The following GCNT3 variants were observed in gnomAD, a reference collection of about 807,000 sequenced individuals.
GCNT3 encodes the protein beta-1,3-galactosyl-O-glycosyl-glycoprotein beta-1,6-N-acetylglucosaminyltransferase 3.
For missense variants in GCNT3, 708 were observed against 530.3 expected (o/e 1.34, Z -3.29); for synonymous variants, 269 against 195.2 (o/e 1.38, Z -3.15).
Position 59,619,371 on chromosome 15 carries a change from C to T in GCNT3, c.1133C>T (p.Pro378Leu), listed in dbSNP as rs777217395. The T allele has an allele frequency of 1.2e-6, 2 of 1,614,118 alleles. No homozygotes were observed. The highest frequency in any genetic ancestry group is 1.1e-5 in the South Asian group (1 of 91,076). ...GHEGDIDKGA[P>L]YAPCSGIHQR... ...GAGGGAGACATCGATAAGGGTGCTC[C>T]TTATGCTCCCTGCTCTGGAATCCAC... Residue 378 changes from proline (P) to leucine (L), a missense_variant, in exon 3 of 3, where the codon CCT becomes CTT. Physicochemically the swap from Pro to Leu is moderately conservative, Grantham distance 98. Coordinates refer to ENST00000396065, the MANE Select transcript of GCNT3 (RefSeq NM_004751.3).
Position 59,618,207 on chromosome 15 carries a change from C to G in GCNT3, c.-32C>G. 2.4e-6 allele frequency: 3 copies of G among 1,253,032 alleles called. No homozygotes were observed. The highest frequency in any genetic ancestry group is 3.4e-6 in the Non-Finnish European group (3 of 889,070). 77.6% of individuals were successfully genotyped at this position (1,253,032 alleles called of 1,614,324 possible). On this transcript the variant is annotated 5_prime_UTR_variant, in exon 3 of 3. Transcript: ENST00000396065. ...TGTGTCCTCCTCCACCTTCCCTGTG[C>G]TCGGTCTCCACCTGTCTCCCATTCT...
At chr15:59,612,801 G>A (rs1478467699) in intron 1 of GCNT3, among the ~76,000 whole-genome samples, 1 of 152,080 alleles carries the variant, frequency 6.6e-6, no homozygotes, top group Non-Finnish European at 1.5e-5. Context: ...CCCCTCTCCT[G>A]TACCTCCCTG....
In GCNT3 at chr15:59,618,682, G is replaced by T; in HGVS notation, c.444G>T (p.Arg148Ser). 1 of 1,614,158 alleles carries T rather than the reference G, an allele frequency of 6.2e-7. No individual in the cohort carries two copies. Among genetic ancestry groups the T allele is most frequent in the East Asian group, 2.2e-5 (1 of 44,890 alleles). ...ATGAGAAGATTGAAAACTTTGAAAG[G>T]CTACTGCGAGCTGTGTATGCCCCTC... The part of the protein sequence containing the change: ...VIHEKIENFE[R>S]LLRAVYAPQN... The change falls in exon 3 of 3, where the codon AGG (arginine) becomes AGT (serine). Residue 148 changes from arginine (R) to serine (S), a missense_variant. Transcript: ENST00000396065.
chr15:59,622,480 G>A lies in GCNT3; in HGVS notation c.*2925G>A, dbSNP rs1890954663. ...TGTATACACAGTGGGTGTGCCCTGAGAGGTCTGTTGCCAGCAGTGGTGATC... is the reference window on the plus strand; with the variant it reads ...TGTATACACAGTGGGTGTGCCCTGAAAGGTCTGTTGCCAGCAGTGGTGATC... On this transcript the variant is annotated 3_prime_UTR_variant, in exon 3 of 3. Coordinates refer to ENST00000396065, the MANE Select transcript of GCNT3 (RefSeq NM_004751.3). 1.3e-5 allele frequency: 2 copies of A among 152,136 alleles called. No individual in the cohort carries two copies. Among genetic ancestry groups the A allele is most frequent in the African/African-American group, 2.4e-5 (1 of 41,406 alleles). 9.4% of individuals were successfully genotyped at this position (152,136 alleles called of 1,614,324 possible). A position where few individuals can be genotyped will look rare whatever the true frequency, so the allele number is the denominator to read the frequency against.
chr15:59,613,581 A>AAATAAAT (rs2082706380), intron 1 of GCNT3, among the ~76,000 whole-genome samples: 1 of 150,254 alleles, frequency 6.7e-6, no homozygotes, highest in African/African-American at 2.5e-5. Context: ...AATAAATAAA[A>AAATAAAT]ATAAAAATAA....
rs764659801 is a variant in GCNT3 at position 59,621,926 on chromosome 15, C to A, written c.*2371C>A. 1.3e-5 allele frequency: 2 copies of A among 151,748 alleles called. No individual in the cohort carries two copies. The highest frequency in any genetic ancestry group is 1.3e-4 in the Admixed American group (2 of 15,234). The allele number at this position is 151,748 out of a possible 1,614,324, so 9.4% of individuals were successfully genotyped here. On this transcript the variant is annotated 3_prime_UTR_variant, in exon 3 of 3. Coordinates refer to ENST00000396065, the MANE Select transcript of GCNT3 (RefSeq NM_004751.3). ...TTCTGAGTGTTGTCATTCAATTCAT[C>A]AAGTTTTCTGTCATGATCAACTTTC...
intron 1 of GCNT3, among the ~76,000 whole-genome samples, chr15:59,615,722 T>TAA (rs775105632): frequency 7.8e-5 from 11 of 141,188 alleles, no homozygotes; most frequent in African/African-American, 2.3e-4. Context: ...ATCTCTACTT[T>TAA]AAAAAAAAAA....
At chr15:59,615,460 G>A in intron 1 of GCNT3, among the ~76,000 whole-genome samples, 1 of 152,130 alleles carries the variant, frequency 6.6e-6, no homozygotes, top group South Asian at 2.1e-4. Context: ...ATAATTTTCA[G>A]TTCCTCCCTT....
Position 59,619,102 on chromosome 15 carries a change from T to A in GCNT3, c.864T>A (p.Tyr288Ter), listed in dbSNP as rs1189045250. 6.2e-7 allele frequency: 1 copy of A among 1,614,178 alleles called. No homozygotes were observed. Among genetic ancestry groups the A allele is most frequent in the Non-Finnish European group, 8.5e-7 (1 of 1,180,006 alleles). ...ACAAGAAGAAGGATCCTCCCCCTTATAATTTAACTATGTTTACAGGGAATG... is the reference window on the plus strand; with the variant it reads ...ACAAGAAGAAGGATCCTCCCCCTTAAAATTTAACTATGTTTACAGGGAATG... ...LTNKKKDPPP[Y>*]NLTMFTGNAY... The change falls in exon 3 of 3, where the codon TAT becomes TAA. Residue 288 changes from tyrosine to a stop codon, truncating the protein, a stop_gained. Transcript: ENST00000396065. LOFTEE classifies it low-confidence loss of function (END_TRUNC).
In GCNT3 at chr15:59,621,255, A is replaced by C. The variant is rs1245568025; in HGVS notation, c.*1700A>C. On this transcript the variant is annotated 3_prime_UTR_variant, in exon 3 of 3. Transcript: ENST00000396065. ...CGCTATTAGTGATTCTGCAGATTAC[A>C]CATTTCCTTGCGGGGAGACAATAAG... is the stretch of plus-strand genomic sequence containing the variant. 2.0e-5 allele frequency: 3 copies of C among 152,070 alleles called. No homozygotes were observed. Among genetic ancestry groups the C allele is most frequent in the African/African-American group, 7.2e-5 (3 of 41,412 alleles). The allele number at this position is 152,070 out of a possible 1,614,324, so 9.4% of individuals were successfully genotyped here. A position where few individuals can be genotyped will look rare whatever the true frequency, so the allele number is the denominator to read the frequency against.
At position 59,621,738 on chromosome 15, in the gene GCNT3, G is replaced by A. The variant is rs987268039; in HGVS notation, c.*2183G>A. The A allele has an allele frequency of 4.6e-5, 7 of 151,532 alleles. No homozygotes were observed. The highest frequency in any genetic ancestry group is 1.5e-4 in the African/African-American group (6 of 41,212). 9.4% of individuals were successfully genotyped at this position (151,532 alleles called of 1,614,324 possible). On this transcript the variant is annotated 3_prime_UTR_variant, in exon 3 of 3. Transcript: ENST00000396065. ...AGCCTCCTGAGTAACTGGGATTACA[G>A]GTGTGTGCCACCTTGCCTGGCTAAT...
rs1400545003 is a variant in GCNT3, at chr15:59,619,814, T to C, written c.*259T>C. 2.8e-6 allele frequency: 1 copy of C among 355,908 alleles called. No individual in the cohort carries two copies. The highest frequency in any genetic ancestry group is 5.4e-6 in the Non-Finnish European group (1 of 184,066). The allele number at this position is 355,908 out of a possible 1,614,324, so 22.0% of individuals were successfully genotyped here. A position where few individuals can be genotyped will look rare whatever the true frequency, so the allele number is the denominator to read the frequency against. On this transcript the variant is annotated 3_prime_UTR_variant, in exon 3 of 3. Transcript: ENST00000396065. The stretch of plus-strand genomic sequence containing the variant: ...CTCACTAAGTGAGAATGAGAACTGC[T>C]GTGATAGGGAGAGTGAAGGAGGGAT...
rs936062786 is a variant in GCNT3, at chr15:59,619,904, C to T, written c.*349C>T. 6.5e-5 allele frequency: 13 copies of T among 200,284 alleles called. No homozygotes were observed. The highest frequency in any genetic ancestry group is 1.6e-4 in the African/African-American group (7 of 42,440). The allele number at this position is 200,284 out of a possible 1,614,324, so 12.4% of individuals were successfully genotyped here. A position where few individuals can be genotyped will look rare whatever the true frequency, so the allele number is the denominator to read the frequency against. On this transcript the variant is annotated 3_prime_UTR_variant, in exon 3 of 3. Transcript: ENST00000396065. ...TAGCTTTTCCATTCTGTGGAGCTGC[C>T]GTTCCTAATAATTCCAGGTTTGGTA...
intron 1 of GCNT3, among the ~76,000 whole-genome samples, chr15:59,612,955 G>A (rs905271402): frequency 6.6e-6 from 1 of 151,732 alleles, no homozygotes; most frequent in African/African-American, 2.4e-5. Context: ...TAACACTTCT[G>A]CTTGGTCCAG....
chr15:59,613,878 A>G (rs1212808627), intron 1 of GCNT3, among the ~76,000 whole-genome samples: 1 of 152,164 alleles, frequency 6.6e-6, no homozygotes, highest in South Asian at 2.1e-4. Flanking sequence ...TTAGCTGGGC[A>G]TGGTGGCTTG....
rs369371056 is a variant in GCNT3, at chr15:59,619,192, G to A, written c.954G>A (p.Leu318=). ...TGAAGAACCCTAAATCCCAACAACT[G>A]ATTGAATGGGTAAAAGACACTTATA... ...HVLKNPKSQQ[L]IEWVKDTYSP... Residue 318 remains leucine (L), a synonymous_variant, in exon 3 of 3, where the codon CTG becomes CTA. Transcript: ENST00000396065. 2.9e-4 allele frequency: 474 copies of A among 1,613,884 alleles called. No individual in the cohort carries two copies. Among genetic ancestry groups the A allele is most frequent in the Non-Finnish European group, 3.8e-4 (450 of 1,179,980 alleles).
chr15:59,612,623 C>T (rs1047217035), intron 1 of GCNT3, among the ~76,000 whole-genome samples: 3 of 152,158 alleles, frequency 2.0e-5, no homozygotes, highest in Non-Finnish European at 4.4e-5. Flanking sequence ...GGATCCCAGG[C>T]AGTCTGGGAC....
intron 1 of GCNT3, among the ~76,000 whole-genome samples, chr15:59,612,468 C>G (rs2082700592): frequency 6.6e-6 from 1 of 152,176 alleles, no homozygotes; most frequent in Admixed American, 6.5e-5. Flanking sequence ...CTTGGGATGT[C>G]TAAATAGCTT....
At position 59,618,705 on chromosome 15, in the gene GCNT3, C is replaced by T; in HGVS notation, c.467C>T (p.Pro156Leu). ...AGGCTACTGCGAGCTGTGTATGCCC[C>T]TCAGAACATATACTGTGTCCATGTG... ...FERLLRAVYA[P>L]QNIYCVHVDE... Residue 156 changes from proline to leucine, a missense_variant, in exon 3 of 3, where the codon CCT (proline) becomes CTT (leucine). Coordinates refer to ENST00000396065, the MANE Select transcript of GCNT3 (RefSeq NM_004751.3). 6.2e-7 allele frequency: 1 copy of T among 1,614,012 alleles called. No homozygotes were observed. The highest frequency in any genetic ancestry group is 8.5e-7 in the Non-Finnish European group (1 of 1,179,888).
Sources: allele counts gnomAD v4.1 joint callset (sites outside exome capture counted in the v4.1 genomes callset), GRCh38; gene constraint gnomAD v4.1.1; transcripts MANE v1.5; gene names NCBI Gene and HGNC (gene_info 2026-07-23, HGNC 2026-07-21).